TONSL: variants seen among roughly 807,000 people sequenced by gnomAD.
TONSL encodes tonsoku like, DNA repair protein, also known as tonsoku-like protein.
A neutral mutation model predicts 147.1 loss-of-function variants in TONSL; 112 were observed. The observed-to-expected ratio is 0.76, with a 90% CI of 0.65 to 0.89. The LOEUF is 0.89. Among genes scored for constraint, TONSL ranks in the 40% least tolerant of loss-of-function variants. The pLI is 0.00. For missense variants in TONSL, 1,883 were observed against 1,864.6 expected (o/e 1.01, Z -0.18); for synonymous variants, 868 against 801.5 (o/e 1.08, Z -1.40).
intron 23 of TONSL, among the ~76,000 whole-genome samples, 157 bp downstream of exon 23, chr8:144,432,128 C>G (rs182751671): frequency 7.9e-5 from 12 of 152,212 alleles, no homozygotes; most frequent in Non-Finnish European, 1.6e-4. Context: ...GCCTGGCCCC[C>G]CAGCTGTTTT....
chr8:144,438,279 G>GC, intron 13 of TONSL, 192 bp downstream of exon 13: 1 of 617,738 alleles, frequency 1.6e-6, no homozygotes, highest in Non-Finnish European at 2.9e-6. Flanking sequence ...CGCGACTCCT[G>GC]CAGCCTCAAT....
chr8:144,431,055 A>G (rs1554878545), intron 24 of TONSL, 23 bp downstream of exon 24: 1 of 1,613,660 alleles, frequency 6.2e-7, no homozygotes, highest in African/African-American at 1.3e-5. Context: ...CCAGGTCAGC[A>G]GGCAGCAGGG....
intron 13 of TONSL, among the ~76,000 whole-genome samples, chr8:144,437,482 ATT>A (rs1186669496): frequency 1.4e-5 from 2 of 147,296 alleles, no homozygotes; most frequent in African/African-American, 5.0e-5. Context: ...CAGGTACCCC[ATT>A]TTTTTTTTGA....
chr8:144,440,982 T>G lies in TONSL; in HGVS notation c.995A>C (p.Glu332Ala). 2 of 1,613,078 alleles carry G rather than the reference T, an allele frequency of 1.2e-6. No homozygotes were observed. Among genetic ancestry groups the G allele is most frequent in the Non-Finnish European group, 1.7e-6 (2 of 1,179,966 alleles). The change falls in exon 8 of 26, where the codon GAG (glutamate) becomes GCG (alanine). Residue 332 changes from glutamate (E) to alanine (A), a missense_variant. Transcript: ENST00000409379. Reference protein sequence around the residue: ...SKAGDFPRAAEAYQKQLRFAE... With the variant: ...SKAGDFPRAAAAYQKQLRFAE... ...GCCACACACCTGCTTCTGGTAAGCC[T>G]CAGCTGCCCTGGGAAAGTCTCCTGC...
chr8:144,433,640 G>A lies in TONSL; in HGVS notation c.3507C>T (p.Phe1169=), dbSNP rs200308789. The A allele has an allele frequency of 1.3e-4, 215 of 1,613,362 alleles. No homozygotes were observed. The highest frequency in any genetic ancestry group is 6.6e-4 in the Middle Eastern group (4 of 6,046). ...LSTLRLQACG[F]GPSFFLSHQT... Reference sequence around the variant, plus strand: ...GGTGGCTCAGAAAGAAGCTGGGGCCGAAGCCACACGCCTGCAGGCGCAGGG... The same window carrying A: ...GGTGGCTCAGAAAGAAGCTGGGGCCAAAGCCACACGCCTGCAGGCGCAGGG... The change falls in exon 22 of 26, where the codon TTC becomes TTT. Residue 1169 remains phenylalanine (F), a synonymous_variant. Transcript: ENST00000409379.
intron 18 of TONSL, 109 bp downstream of exon 18, chr8:144,435,365 G>T (rs546050922): frequency 8.0e-7 from 1 of 1,255,986 alleles, no homozygotes; most frequent in African/African-American, 1.5e-5. Context: ...GATCCTCCTG[G>T]AACACACCAG....
At position 144,438,720 on chromosome 8, in the gene TONSL, C is replaced by A. The variant is rs1458219745; in HGVS notation, c.1496G>T (p.Gly499Val). The A allele has an allele frequency of 1.2e-6, 2 of 1,613,104 alleles. No individual in the cohort carries two copies. Among genetic ancestry groups the A allele is most frequent in the Non-Finnish European group, 1.7e-6 (2 of 1,179,892 alleles). The change falls in exon 12 of 26, where the codon GGC becomes GTC. Residue 499 changes from glycine to valine, a missense_variant. Coordinates refer to ENST00000409379, the MANE Select transcript of TONSL (RefSeq NM_013432.5). ...GTCCTCCTCCAGCTGCGGGGTCAGGCCATCGGTGTCGTCCTCTGGAACAGA... is the reference window on the plus strand; with the variant it reads ...GTCCTCCTCCAGCTGCGGGGTCAGGACATCGGTGTCGTCCTCTGGAACAGA... ...ELSEGEDDTD[G>V]LTPQLEEDEE...
At chr8:144,437,132 G>C (rs1377520409) in intron 13 of TONSL, 33 bp from the exon 14 acceptor site, 2 of 1,602,612 alleles carry the variant, frequency 1.2e-6, no homozygotes, top group Non-Finnish European at 8.5e-7. Context: ...GCCTGGCCCT[G>C]TGTACCTCAC....
At chr8:144,435,372 C>T in intron 18 of TONSL, 102 bp downstream of exon 18, 2 of 1,266,640 alleles carry the variant, frequency 1.6e-6, no homozygotes, top group Admixed American at 2.6e-5. Flanking sequence ...CTGGAACACA[C>T]CAGGGAGCCC....
chr8:144,436,020 G>A lies in TONSL; in HGVS notation c.2413C>T (p.Arg805Trp), dbSNP rs373583717. The stretch of plus-strand genomic sequence containing the variant: ...CCCCGCGGTGGGCCAGGCCCCAGCC[G>A]GCTCTGAGCACTGCCCACACCCCGG... ...AIRGVGSAQS[R>W]LGPGPPRGHS... The change falls in exon 17 of 26, where the codon CGG (arginine) becomes TGG (tryptophan). Residue 805 changes from arginine (R) to tryptophan (W), a missense_variant. Coordinates refer to ENST00000409379, the MANE Select transcript of TONSL (RefSeq NM_013432.5). 1.2e-4 allele frequency: 180 copies of A among 1,555,234 alleles called. No individual in the cohort carries two copies. The highest frequency in any genetic ancestry group is 1.4e-4 in the Non-Finnish European group (166 of 1,153,706).
intron 22 of TONSL, 180 bp from the exon 23 acceptor site, chr8:144,432,640 GC>G: frequency 1.7e-6 from 1 of 593,764 alleles, no homozygotes; most frequent in Non-Finnish European, 2.7e-6. Context: ...GGAGGGCGGG[GC>G]CAGACTTCCA....
chr8:144,443,098 C>T lies in TONSL; in HGVS notation c.448+40G>A, dbSNP rs2242263. ...GTGCTGGGCTGCAGCCTCTTCGGCCCGAAGTTCAGGAGGCAGAAAACGCGG... is the reference window on the plus strand; with the variant it reads ...GTGCTGGGCTGCAGCCTCTTCGGCCTGAAGTTCAGGAGGCAGAAAACGCGG... On this transcript the variant is annotated intron_variant, in intron 4 of 25. Coordinates refer to ENST00000409379, the MANE Select transcript of TONSL (RefSeq NM_013432.5). The T allele has an allele frequency of 0.41, 633,019 of 1,534,454 alleles. 133,645 individuals are homozygous for T. Among genetic ancestry groups the T allele is most frequent in the South Asian group, 0.56 (46,098 of 82,920 alleles).
At chr8:144,442,197 C>G (rs369447586) in intron 6 of TONSL, 44 bp downstream of exon 6, 2 of 1,593,286 alleles carry the variant, frequency 1.3e-6, no homozygotes, top group Non-Finnish European at 8.6e-7. Context: ...CCCCAAGGCC[C>G]GAATCTACGA....
rs780219395 is a variant in TONSL at position 144,436,562 on chromosome 8, G to C, written c.2010C>G (p.Gly670=). 1.9e-6 allele frequency: 3 copies of C among 1,609,728 alleles called. No individual in the cohort carries two copies. In the African/African-American group the frequency reaches 4.0e-5, roughly 21 times the overall value. ...GACAAGGGACGCCCTGCTTGCCTTG[G>C]CCCGAGGCAGCCGCCTGGAGCAGCA... ...MEMLLQAAAS[G]QDPHSSQAFH... is the part of the protein sequence containing the mutation. Residue 670 remains glycine (G), a synonymous_variant, in exon 16 of 26, where the codon GGC becomes GGG. Coordinates refer to ENST00000409379, the MANE Select transcript of TONSL (RefSeq NM_013432.5).
chr8:144,438,650 C>T lies in TONSL; in HGVS notation c.1563+3G>A. ...GTGGGTGGGGGCAGGGCACTGTCCT[C>T]ACCTTGCTCCCCTTCCGCCGGCCCA... On this transcript the variant is annotated splice_donor_region_variant and intron_variant, in intron 12 of 25. Coordinates refer to ENST00000409379, the MANE Select transcript of TONSL (RefSeq NM_013432.5). 1.2e-6 allele frequency: 2 copies of T among 1,613,074 alleles called. No individual in the cohort carries two copies. The highest frequency in any genetic ancestry group is 2.2e-5 in the East Asian group (1 of 44,872).
intron 13 of TONSL, among the ~76,000 whole-genome samples, chr8:144,437,423 C>T (rs964414156): frequency 1.3e-5 from 2 of 152,204 alleles, no homozygotes; most frequent in African/African-American, 4.8e-5. Flanking sequence ...TAGCCCCCAT[C>T]CTGGCCAGGC....
At chr8:144,440,525 A>C in intron 9 of TONSL, 49 bp from the exon 10 acceptor site, 2 of 1,546,998 alleles carry the variant, frequency 1.3e-6, no homozygotes, top group Non-Finnish European at 1.7e-6. Context: ...GTCTGCGTCC[A>C]ACGGGCCCCA....
At chr8:144,435,424 G>A (rs1161105487) in intron 18 of TONSL, 50 bp downstream of exon 18, 1 of 1,452,460 alleles carries the variant, frequency 6.9e-7, no homozygotes, top group Non-Finnish European at 9.3e-7. Context: ...CGAGCACCCT[G>A]GCATGGAGCT....
At chr8:144,442,937 G>A (rs896006428) in intron 4 of TONSL, 131 bp from the exon 5 acceptor site, 1 of 1,327,488 alleles carries the variant, frequency 7.5e-7, no homozygotes, top group Non-Finnish European at 1.0e-6. Flanking sequence ...CAAGTGTCCT[G>A]CGGCAGATGG....
Sources: gnomAD v4.1 joint callset for allele counts (sites outside exome capture counted in the v4.1 genomes callset) on GRCh38, gnomAD v4.1.1 for gene constraint, MANE v1.5 for transcripts, NCBI Gene and HGNC (gene_info 2026-07-23, HGNC 2026-07-21) for gene names.